NIBAN3: variants seen among roughly 807,000 people sequenced by gnomAD.
NIBAN3 encodes the protein protein Niban 3.
A neutral mutation model predicts 76.4 loss-of-function variants in NIBAN3; 66 were observed. That is an observed-to-expected ratio of 0.86 (90% CI 0.71 to 1.06). NIBAN3 has a LOEUF of 1.06. NIBAN3 is among the 50% of genes least tolerant of loss of function. The probability of loss-of-function intolerance (pLI) is 0.00; values close to 1 mark genes in which losing one functional copy is unlikely to be tolerated. For synonymous variants in NIBAN3, 360 were observed against 355.2 expected, an observed-to-expected ratio of 1.01 and a Z score of -0.15; for missense variants, 808 against 810.7, an observed-to-expected ratio of 1.00 and a Z score of 0.04.
At chr19:17,523,330 C>G (rs150025276), upstream of NIBAN3, 614 of 1,022,108 alleles carry the variant, frequency 6.0e-4, 2 homozygotes, top group Middle Eastern at 1.1e-3. Flanking sequence ...TTGAAACCTG[C>G]GCAGAGGCGG....
Position 17,553,202 on chromosome 19 carries a change from G to T in NIBAN3, c.*1304G>T. 6.9e-7 allele frequency: 1 copy of T among 1,454,880 alleles called. No individual in the cohort carries two copies. Among genetic ancestry groups the T allele is most frequent in the East Asian group, 2.4e-5 (1 of 42,382 alleles). 90.1% of individuals were successfully genotyped at this position (1,454,880 alleles called of 1,614,324 possible). A position where few individuals can be genotyped will look rare whatever the true frequency, so the allele number is the denominator to read the frequency against. On this transcript the variant is annotated 3_prime_UTR_variant, in exon 15 of 15. Transcript: ENST00000599164. Reference sequence around the variant, plus strand: ...CAGGAGTGTTTGCATTTTTCTTATTGATATCTAATAACTCTTTATATCTGA... The same window carrying T: ...CAGGAGTGTTTGCATTTTTCTTATTTATATCTAATAACTCTTTATATCTGA...
intron 12 of NIBAN3, 64 bp from the exon 13 acceptor site, chr19:17,546,622 T>G: frequency 1.4e-6 from 2 of 1,406,640 alleles, no homozygotes; most frequent in East Asian, 2.9e-5. Flanking sequence ...GGCAGAAGCC[T>G]GTGTTGTAGG....
intron 1 of NIBAN3, 147 bp from the exon 2 acceptor site, chr19:17,530,608 G>T: frequency 3.4e-6 from 2 of 591,050 alleles, no homozygotes; most frequent in South Asian, 5.1e-5. Context: ...GAGGGTGAAG[G>T]ATGAATGAAA....
At chr19:17,541,144 G>A (rs528638247) in intron 9 of NIBAN3, among the ~76,000 whole-genome samples, 1 of 152,234 alleles carries the variant, frequency 6.6e-6, no homozygotes, top group East Asian at 1.9e-4. Context: ...TTCCCCTGTA[G>A]GGCAACAACC....
At chr19:17,529,615 T>C (rs143748914) in intron 1 of NIBAN3, among the ~76,000 whole-genome samples, 1 of 152,370 alleles carries the variant, frequency 6.6e-6, no homozygotes, top group Non-Finnish European at 1.5e-5. Context: ...AGTTCACTTG[T>C]GTGCTTTGGA....
At chr19:17,525,347 ATTC>A (rs1568437308), upstream of NIBAN3, among the ~76,000 whole-genome samples, 7 of 151,744 alleles carry the variant, frequency 4.6e-5, no homozygotes, top group African/African-American at 1.7e-4. Flanking sequence ...TCATTCATTC[ATTC>A]ATTCATTCAT....
At chr19:17,524,504 C>T (rs940800489), upstream of NIBAN3, among the ~76,000 whole-genome samples, 1 of 151,856 alleles carries the variant, frequency 6.6e-6, no homozygotes, top group Non-Finnish European at 1.5e-5. Flanking sequence ...AGGCTGGTCT[C>T]GAACTCCTGA....
At chr19:17,525,335 CTTCATTCATTCATTCA>C (rs71336621), upstream of NIBAN3, among the ~76,000 whole-genome samples, 42 of 150,874 alleles carry the variant, frequency 2.8e-4, no homozygotes, top group East Asian at 9.8e-4. Flanking sequence ...CCGTCCCTCC[CTTCATTCATTCATTCA>C]TTCATTCATT....
In NIBAN3 at chr19:17,542,171, G is replaced by A. The variant is rs2075965660; in HGVS notation, c.1206G>A (p.Ala402=). 1.2e-6 allele frequency: 2 copies of A among 1,614,180 alleles called. No individual in the cohort carries two copies. Among genetic ancestry groups the A allele is most frequent in the East Asian group, 2.2e-5 (1 of 44,882 alleles). Residue 402 remains alanine, a synonymous_variant, in exon 10 of 15, where the codon GCG becomes GCA. Coordinates refer to ENST00000599164, the MANE Select transcript of NIBAN3 (RefSeq NM_001321827.2). The surrounding 1 kb of genome is among the most constrained non-coding windows in gnomAD (Gnocchi z 4.8). ...TTGGGGAGATGCCGTGGGACTTGGC[G>A]CTGATGCAGACATGCTACCGTGAGG... The part of the protein sequence containing the change: ...YSFGEMPWDL[A]LMQTCYREAE...
At chr19:17,551,511 G>A (rs1316823341) in intron 14 of NIBAN3, among the ~76,000 whole-genome samples, 3 of 149,294 alleles carry the variant, frequency 2.0e-5, no homozygotes, top group Admixed American at 1.3e-4. Context: ...GGGTTCAAGC[G>A]ATTCTCATGC....
chr19:17,538,812 G>C (rs1454094120), intron 5 of NIBAN3, among the ~76,000 whole-genome samples: 1 of 152,020 alleles, frequency 6.6e-6, no homozygotes, highest in Admixed American at 6.6e-5. Flanking sequence ...AAGAGAGAAA[G>C]AAAAAAGTAG....
chr19:17,526,108 T>G (rs1409113679), upstream of NIBAN3, among the ~76,000 whole-genome samples: 1 of 150,542 alleles, frequency 6.6e-6, no homozygotes, highest in Non-Finnish European at 1.5e-5. Context: ...GGTCAGGAGT[T>G]TGAGACAAGC....
chr19:17,541,230 TATACATACATAC>T (rs56986888), intron 9 of NIBAN3, among the ~76,000 whole-genome samples: 33,803 of 149,880 alleles, frequency 0.23, 4,324 homozygotes, highest in African/African-American at 0.33. Context: ...TACATACATA[TATACATACATAC>T]ATACATACAT....
rs1457039864 is a variant in NIBAN3, at chr19:17,553,331, T to C, written c.*1433T>C. The C allele has an allele frequency of 6.2e-7, 1 of 1,613,780 alleles. No homozygotes were observed. The highest frequency in any genetic ancestry group is 1.3e-5 in the African/African-American group (1 of 75,044). The stretch of plus-strand genomic sequence containing the variant: ...TTCCTAGCTCCAAATCTTAACTTGG[T>C]GTCAAGTTTCCTGGCTGGGAGACAA... On this transcript the variant is annotated 3_prime_UTR_variant, in exon 15 of 15. Coordinates refer to ENST00000599164, the MANE Select transcript of NIBAN3 (RefSeq NM_001321827.2).
chr19:17,525,502 C>A (rs1002054389), upstream of NIBAN3, among the ~76,000 whole-genome samples: 1 of 152,200 alleles, frequency 6.6e-6, no homozygotes, highest in African/African-American at 2.4e-5. Flanking sequence ...TCGCGCCCAA[C>A]CAGTCCAGGG....
In NIBAN3 at chr19:17,553,233, A is replaced by G. The variant is rs370374783; in HGVS notation, c.*1335A>G. On this transcript the variant is annotated 3_prime_UTR_variant, in exon 15 of 15. Transcript: ENST00000599164. ...TAATAACTCTTTATATCTGAAGGATATGAACGCTTTGTGATACAGGTTACA... is the reference window on the plus strand; with the variant it reads ...TAATAACTCTTTATATCTGAAGGATGTGAACGCTTTGTGATACAGGTTACA... The G allele has an allele frequency of 1.3e-6, 2 of 1,557,488 alleles. No individual in the cohort carries two copies. Among genetic ancestry groups the G allele is most frequent in the African/African-American group, 1.4e-5 (1 of 72,696 alleles).
downstream of NIBAN3, among the ~76,000 whole-genome samples, chr19:17,554,772 G>A (rs1485904111): frequency 1.5e-4 from 15 of 99,968 alleles, no homozygotes; most frequent in Non-Finnish European, 2.1e-4. Flanking sequence ...GGAGTGAGAC[G>A]CTGTCTCAAA....
At position 17,553,499 on chromosome 19, in the gene NIBAN3, C is replaced by A; in HGVS notation, c.*1601C>A. 3 of 1,614,224 alleles carry A rather than the reference C, an allele frequency of 1.9e-6. No individual in the cohort carries two copies. The highest frequency in any genetic ancestry group is 2.5e-6 in the Non-Finnish European group (3 of 1,180,046). On this transcript the variant is annotated 3_prime_UTR_variant, in exon 15 of 15. Transcript: ENST00000599164. ...TTGGTTCAGCTTGCAGAGGGACTTT[C>A]ACACTCCCTGGAGACCGTTTCCTCC...
At position 17,549,486 on chromosome 19, in the gene NIBAN3, T is replaced by C. The variant is rs768869419; in HGVS notation, c.1709T>C (p.Leu570Pro). ...TLGANDVSCT[L>P]DGCLEVPWEQ... The stretch of plus-strand genomic sequence containing the variant: ...GGTGCCAATGATGTATCCTGCACTC[T>C]GGACGGCTGCTTGGAGGTCCCATGG... The change falls in exon 14 of 15, where the codon CTG becomes CCG. Residue 570 changes from leucine (L) to proline (P), a missense_variant. Transcript: ENST00000599164. 2 of 1,613,890 alleles carry C rather than the reference T, an allele frequency of 1.2e-6. No homozygotes were observed. Among genetic ancestry groups the C allele is most frequent in the Admixed American group, 1.7e-5 (1 of 59,986 alleles).
Sources: allele counts gnomAD v4.1 joint callset (sites outside exome capture counted in the v4.1 genomes callset), GRCh38; gene constraint gnomAD v4.1.1; non-coding constraint Gnocchi (gnomAD v3.1); transcripts MANE v1.5; gene names NCBI Gene and HGNC (gene_info 2026-07-23, HGNC 2026-07-21).